The following ALKBH4 variants were observed in gnomAD, a reference collection of about 807,000 sequenced individuals.
ALKBH4 encodes alpha-ketoglutarate-dependent dioxygenase alkB homolog 4.
ALKBH4 carries 8 observed loss-of-function variants against 12.1 expected under a neutral mutation model. That is an observed-to-expected ratio of 0.66 (90% CI 0.39 to 1.19). The LOEUF (loss-of-function observed/expected upper bound fraction) is 1.19. ALKBH4 is among the 50% of genes most tolerant of loss of function. The probability of loss-of-function intolerance (pLI) is 0.01; values close to 1 mark genes in which losing one functional copy is unlikely to be tolerated. For missense variants in ALKBH4, 403 were observed against 430.4 expected (o/e 0.94, Z 0.56); for synonymous variants, 195 against 191.6 (o/e 1.02, Z -0.15).
At position 102,456,895 on chromosome 7, in the gene ALKBH4, C is replaced by G. The variant is rs930876256; in HGVS notation, c.*499G>C. The stretch of plus-strand genomic sequence containing the variant: ...CGAGGCTGGAGTGCAGTGGCGTGAT[C>G]TTGGCTCACTGCAACCTCCGCCTCC... On this transcript the variant is annotated 3_prime_UTR_variant, in exon 3 of 3. Coordinates refer to ENST00000292566, the MANE Select transcript of ALKBH4 (RefSeq NM_017621.4). The G allele has an allele frequency of 1.3e-5, 2 of 151,464 alleles. No individual in the cohort carries two copies. Among genetic ancestry groups the G allele is most frequent in the African/African-American group, 4.9e-5 (2 of 40,906 alleles). The allele number at this position is 151,464 out of a possible 1,614,324, so 9.4% of individuals were successfully genotyped here.
At chr7:102,458,413 A>G (rs1277233911) in intron 2 of ALKBH4, among the ~76,000 whole-genome samples, 1 of 152,100 alleles carries the variant, frequency 6.6e-6, no homozygotes, top group Non-Finnish European at 1.5e-5. Flanking sequence ...CTAGTAACAA[A>G]ACAAAAATTA....
rs1563651697 is a variant in ALKBH4 at position 102,464,824 on chromosome 7, C to CGG, written c.12_13insCC (p.Ala5ProfsTer21). The CGG allele has an allele frequency of 6.6e-7, 1 of 1,525,294 alleles. No individual in the cohort carries two copies. The highest frequency in any genetic ancestry group is 8.8e-7 in the Non-Finnish European group (1 of 1,141,618). 94.5% of individuals were successfully genotyped at this position (1,525,294 alleles called of 1,614,324 possible). A position where few individuals can be genotyped will look rare whatever the true frequency, so the allele number is the denominator to read the frequency against. Reference sequence around the variant, plus strand: ...CGAAGGACTTCGGGGGTCTCGGCGGCAGCCGCCGCCATCGCGCCGTCCGCG... The same window carrying CGG: ...CGAAGGACTTCGGGGGTCTCGGCGGCGGAGCCGCCGCCATCGCGCCGTCCGCG... On this transcript the variant is annotated frameshift_variant, in exon 1 of 3. Coordinates refer to ENST00000292566, the MANE Select transcript of ALKBH4 (RefSeq NM_017621.4). LOFTEE classifies it high-confidence loss of function.
intron 1 of ALKBH4, among the ~76,000 whole-genome samples, chr7:102,460,758 A>G (rs1366045118): frequency 1.3e-5 from 2 of 152,128 alleles, no homozygotes; most frequent in Non-Finnish European, 2.9e-5. Flanking sequence ...GTCTTTGCTG[A>G]TGCCACCCCG....
intron 1 of ALKBH4, among the ~76,000 whole-genome samples, chr7:102,461,781 T>C (rs1797802036): frequency 6.6e-6 from 1 of 152,164 alleles, no homozygotes; most frequent in South Asian, 2.1e-4. Flanking sequence ...AAGAGGAAGG[T>C]ACCATAACTA....
At position 102,459,770 on chromosome 7, in the gene ALKBH4, G is replaced by C; in HGVS notation, c.155C>G (p.Thr52Ser). The C allele has an allele frequency of 6.2e-7, 1 of 1,609,640 alleles. No individual in the cohort carries two copies. Among genetic ancestry groups the C allele is most frequent in the African/African-American group, 1.3e-5 (1 of 74,800 alleles). Residue 52 changes from threonine to serine, a missense_variant, in exon 2 of 3, where the codon ACC becomes AGC. By Grantham distance (58) the Thr-to-Ser change is moderately conservative. Transcript: ENST00000292566. ...CTCCTCTGTGCCCACGGCCCAGCCGGTGTCGGAGCAGTAAATGAAACGGTA... is the reference window on the plus strand; with the variant it reads ...CTCCTCTGTGCCCACGGCCCAGCCGCTGTCGGAGCAGTAAATGAAACGGTA... Reference protein sequence around the residue: ...KTYRFIYCSDTGWAVGTEESD... With the variant: ...KTYRFIYCSDSGWAVGTEESD...
chr7:102,464,855 A>G lies in ALKBH4; in HGVS notation c.-19T>C. The stretch of plus-strand genomic sequence containing the variant: ...CCGCCATCGCGCCGTCCGCGTGGCC[A>G]GTGCGCAGGCGCGGCCGTGGGGGCC... On this transcript the variant is annotated 5_prime_UTR_variant, in exon 1 of 3. Coordinates refer to ENST00000292566, the MANE Select transcript of ALKBH4 (RefSeq NM_017621.4). The G allele has an allele frequency of 6.7e-7, 1 of 1,481,822 alleles. No individual in the cohort carries two copies. Among genetic ancestry groups the G allele is most frequent in the Non-Finnish European group, 8.9e-7 (1 of 1,122,100 alleles). 91.8% of individuals were successfully genotyped at this position (1,481,822 alleles called of 1,614,324 possible). A position where few individuals can be genotyped will look rare whatever the true frequency, so the allele number is the denominator to read the frequency against.
chr7:102,458,010 G>C lies in ALKBH4; in HGVS notation c.322-29C>G, dbSNP rs376918698. ...AAGGATGAAGACAAAGAGGACATGA[G>C]GTGTCTGAGTTTACGAAGATGTCTA... On this transcript the variant is annotated intron_variant, in intron 2 of 2. Coordinates refer to ENST00000292566, the MANE Select transcript of ALKBH4 (RefSeq NM_017621.4). 2.6e-6 allele frequency: 4 copies of C among 1,560,018 alleles called. No homozygotes were observed. In the African/African-American group the frequency reaches 5.4e-5, roughly 21 times the overall value.
At chr7:102,458,387 C>T (rs4729790) in intron 2 of ALKBH4, among the ~76,000 whole-genome samples, 15,593 of 152,050 alleles carry the variant, frequency 0.1, 1,416 homozygotes, top group East Asian at 0.44. Flanking sequence ...CTGGGCAACA[C>T]AGCAAAACTC....
rs776513318 is a variant in ALKBH4 at position 102,459,725 on chromosome 7, G to C, written c.200C>G (p.Ala67Gly). Residue 67 changes from alanine (A) to glycine (G), a missense_variant, in exon 2 of 3, where the codon GCC becomes GGC. Transcript: ENST00000292566. ...GTEESDFEGW[A>G]FPFPGVMLIE... ...CAGCATCACTCCTGGGAAGGGGAAG[G>C]CCCAGCCCTCAAAGTCAGACTCCTC... 3.1e-6 allele frequency: 5 copies of C among 1,614,122 alleles called. No individual in the cohort carries two copies. The highest frequency in any genetic ancestry group is 4.2e-6 in the Non-Finnish European group (5 of 1,179,996).
At chr7:102,460,952 T>C (rs1842159198) in intron 1 of ALKBH4, among the ~76,000 whole-genome samples, 1 of 152,138 alleles carries the variant, frequency 6.6e-6, no homozygotes, top group African/African-American at 2.4e-5. Flanking sequence ...TACCCTGGGC[T>C]GTCACTCAAC....
chr7:102,461,388 T>C (rs1448974095), intron 1 of ALKBH4, among the ~76,000 whole-genome samples: 2 of 151,972 alleles, frequency 1.3e-5, no homozygotes, highest in African/African-American at 4.8e-5. Flanking sequence ...TGAGATGGAG[T>C]CTCGCTCTGT....
At chr7:102,461,056 G>A (rs1399455959) in intron 1 of ALKBH4, among the ~76,000 whole-genome samples, 2 of 152,172 alleles carry the variant, frequency 1.3e-5, no homozygotes, top group Admixed American at 6.6e-5. Context: ...TAGAAACCAG[G>A]CCAGGCACGG....
At position 102,464,782 on chromosome 7, in the gene ALKBH4, C is replaced by A; in HGVS notation, c.55G>T (p.Gly19Cys). Residue 19 changes from glycine (G) to cysteine (C), a missense_variant, in exon 1 of 3, where the codon GGC (glycine) becomes TGC (cysteine). Physicochemically the swap from Gly to Cys is radical, Grantham distance 159. Transcript: ENST00000292566. ...TCGCAGATCAGACAGGTCCGGATGCCCTTGCAACCGCATTCCCGAAGGACT... is the reference window on the plus strand; with the variant it reads ...TCGCAGATCAGACAGGTCCGGATGCACTTGCAACCGCATTCCCGAAGGACT... ...PEVLRECGCK[G>C]IRTCLICERQ... The A allele has an allele frequency of 6.4e-7, 1 of 1,572,196 alleles. No individual in the cohort carries two copies. Among genetic ancestry groups the A allele is most frequent in the Non-Finnish European group, 8.6e-7 (1 of 1,163,218 alleles).
intron 1 of ALKBH4, among the ~76,000 whole-genome samples, chr7:102,461,464 G>A (rs535386224): frequency 1.4e-4 from 21 of 152,110 alleles, no homozygotes; most frequent in Non-Finnish European, 2.2e-4. Context: ...GGGTTCAAGC[G>A]ATTCTCCTGC....
At chr7:102,461,207 C>T (rs1797787053) in intron 1 of ALKBH4, among the ~76,000 whole-genome samples, 2 of 152,004 alleles carry the variant, frequency 1.3e-5, no homozygotes, top group African/African-American at 2.4e-5. Context: ...CGTCGTGGTG[C>T]ATGCCTGTAA....
At chr7:102,463,247 G>A (rs186314398) in intron 1 of ALKBH4, among the ~76,000 whole-genome samples, 113 of 151,470 alleles carry the variant, frequency 7.5e-4, no homozygotes, top group African/African-American at 2.5e-3. Flanking sequence ...CACTGTGCCC[G>A]GCCTGTCCTT....
At chr7:102,463,190 A>G (rs1252786581) in intron 1 of ALKBH4, among the ~76,000 whole-genome samples, 2 of 151,840 alleles carry the variant, frequency 1.3e-5, no homozygotes, top group African/African-American at 4.8e-5. Flanking sequence ...GGCTCTGGCA[A>G]TCTGCCTGCC....
At position 102,456,489 on chromosome 7, in the gene ALKBH4, C is replaced by T. The variant is rs1797649992; in HGVS notation, c.*905G>A. The T allele has an allele frequency of 6.6e-6, 1 of 152,198 alleles. No individual in the cohort carries two copies. Among genetic ancestry groups the T allele is most frequent in the African/African-American group, 2.4e-5 (1 of 41,444 alleles). The allele number at this position is 152,198 out of a possible 1,614,324, so 9.4% of individuals were successfully genotyped here. On this transcript the variant is annotated 3_prime_UTR_variant, in exon 3 of 3. Coordinates refer to ENST00000292566, the MANE Select transcript of ALKBH4 (RefSeq NM_017621.4). The stretch of plus-strand genomic sequence containing the variant: ...GGCTGGCCTCAAGCAATCCTCCCAC[C>T]TGAGCCCCGCAAAGTACTCGGATTA...
Position 102,464,730 on chromosome 7 carries a change from C to T in ALKBH4, c.107G>A (p.Trp36Ter), listed in dbSNP as rs1241735237. Reference protein sequence around the residue: ...CERQRGSDPPWELPPAKTYRF... With the variant: ...CERQRGSDPP Reference sequence around the variant, plus strand: ...ACCCCTTACCGCTGGGGGCAGCTCCCAGGGCGGGTCACTGCCGCGCTGCCG... The same window carrying T: ...ACCCCTTACCGCTGGGGGCAGCTCCTAGGGCGGGTCACTGCCGCGCTGCCG... Residue 36 changes from tryptophan (W) to a stop codon, truncating the protein, a stop_gained, in exon 1 of 3, where the codon TGG becomes TAG. Transcript: ENST00000292566. LOFTEE classifies it high-confidence loss of function. 6.4e-7 allele frequency: 1 copy of T among 1,560,258 alleles called. No individual in the cohort carries two copies. Among genetic ancestry groups the T allele is most frequent in the East Asian group, 2.6e-5 (1 of 38,678 alleles).
Sources: gnomAD v4.1 joint callset for allele counts (sites outside exome capture counted in the v4.1 genomes callset) on GRCh38, gnomAD v4.1.1 for gene constraint, MANE v1.5 for transcripts, NCBI Gene and HGNC (gene_info 2026-07-23, HGNC 2026-07-21) for gene names.